The following BCKDHB variants were observed in gnomAD, a reference collection of about 807,000 sequenced individuals.
BCKDHB encodes the protein 2-oxoisovalerate dehydrogenase subunit beta, mitochondrial.
In BCKDHB, 41 loss-of-function variants were observed where a neutral mutation model predicts 48.5. The observed-to-expected ratio is 0.85, with a 90% CI of 0.66 to 1.10. The LOEUF is 1.10. BCKDHB is among the 50% of genes least tolerant of loss of function. BCKDHB has a pLI of 0.00. For synonymous variants in BCKDHB, 201 were observed against 174.8 expected (o/e 1.15, Z -1.18); for missense variants, 496 against 494.2 (o/e 1.00, Z -0.03).
intron 3 of BCKDHB, 128 bp downstream of exon 3, chr6:80,129,357 A>G (rs1412456300): frequency 1.7e-5 from 13 of 745,478 alleles, no homozygotes; most frequent in Non-Finnish European, 2.8e-5. Context: ...TTCATTTCCA[A>G]CGCCACCCGC....
rs567854776 is a variant in BCKDHB at position 80,194,523 on chromosome 6, A to G, written c.743-6411A>G. Among the ~76,000 whole-genome samples, 33 of 152,252 alleles carry G rather than the reference A, an allele frequency of 2.2e-4. No individual in the cohort carries two copies. In the South Asian group the frequency reaches 6.4e-3, roughly 30 times the overall value. On this transcript the variant is annotated intron_variant, in intron 6 of 9. Coordinates refer to ENST00000320393, the MANE Select transcript of BCKDHB (RefSeq NM_183050.4). The stretch of plus-strand genomic sequence containing the variant: ...CTCCTTAGTTTCCTTTATTCTGGGG[A>G]AGACAGTTCCTTTGTCTTTTTTGTC...
chr6:80,279,549 G>A (rs1778113459), intron 9 of BCKDHB, among the ~76,000 whole-genome samples: 1 of 151,574 alleles, frequency 6.6e-6, no homozygotes, highest in Admixed American at 6.6e-5. Context: ...TTCGTCCATT[G>A]TCTGTTTGAA....
chr6:80,251,710 A>G (rs1366161423), intron 8 of BCKDHB: 1 of 152,184 alleles, frequency 6.6e-6, no homozygotes, highest in Non-Finnish European at 1.5e-5. Flanking sequence ...ATTTTCTTTT[A>G]GGTATTTCTG....
At chr6:80,197,970 CCA>C in intron 6 of BCKDHB, among the ~76,000 whole-genome samples, 1 of 152,178 alleles carries the variant, frequency 6.6e-6, no homozygotes, top group South Asian at 2.1e-4. Flanking sequence ...ATCCATCCAT[CCA>C]TCCATCCGTC....
At chr6:80,127,088 C>T (rs1770382454) in intron 1 of BCKDHB, among the ~76,000 whole-genome samples, 2 of 152,138 alleles carry the variant, frequency 1.3e-5, no homozygotes, top group African/African-American at 4.8e-5. Flanking sequence ...GTTCCGGGTA[C>T]CAAAGTTTAT....
the BCKDHB span, among the ~76,000 whole-genome samples, chr6:80,405,333 C>T: frequency 3.9e-5 from 6 of 152,116 alleles, no homozygotes; most frequent in African/African-American, 1.4e-4. Context: ...TCTATTTTGT[C>T]TTATATAAGT....
the BCKDHB span, among the ~76,000 whole-genome samples, chr6:80,397,137 G>A: frequency 2.0e-5 from 3 of 152,218 alleles, no homozygotes; most frequent in East Asian, 5.8e-4. Flanking sequence ...TTGTCAGATA[G>A]GGGTGGGTAT....
At chr6:80,360,237 C>T in the BCKDHB span, among the ~76,000 whole-genome samples, 1 of 151,450 alleles carries the variant, frequency 6.6e-6, no homozygotes, top group Non-Finnish European at 1.5e-5. Context: ...AGTGTAGATT[C>T]TTGTAACTGT....
intron 6 of BCKDHB, among the ~76,000 whole-genome samples, chr6:80,190,069 T>C (rs764146715): frequency 7.9e-5 from 12 of 152,136 alleles, no homozygotes; most frequent in Non-Finnish European, 1.3e-4. Context: ...AGGAGTGATA[T>C]ATAGTAATGC....
At chr6:80,118,812 A>G (rs1769846313) in intron 1 of BCKDHB, among the ~76,000 whole-genome samples, 1 of 152,092 alleles carries the variant, frequency 6.6e-6, no homozygotes, top group Non-Finnish European at 1.5e-5. Flanking sequence ...AATAGATTCC[A>G]TCTCAAGGCT....
intron 9 of BCKDHB, among the ~76,000 whole-genome samples, chr6:80,273,483 G>C (rs1777840152): frequency 6.6e-6 from 1 of 152,044 alleles, no homozygotes; most frequent in African/African-American, 2.4e-5. Flanking sequence ...TGGGAAGAAA[G>C]TTTGGAATGA....
At chr6:80,109,541 A>G (rs1769307658) in intron 1 of BCKDHB, among the ~76,000 whole-genome samples, 1 of 152,174 alleles carries the variant, frequency 6.6e-6, no homozygotes, top group Non-Finnish European at 1.5e-5. Flanking sequence ...TGAGTATTGG[A>G]TATTAATGCT....
At chr6:80,149,451 C>A (rs1268587114) in intron 3 of BCKDHB, among the ~76,000 whole-genome samples, 1 of 152,150 alleles carries the variant, frequency 6.6e-6, no homozygotes, top group Admixed American at 6.5e-5. Flanking sequence ...CCATTTGACC[C>A]AGCCATCCCA....
intron 9 of BCKDHB, among the ~76,000 whole-genome samples, chr6:80,326,203 T>G (rs1173985474): frequency 6.6e-6 from 1 of 152,172 alleles, no homozygotes; most frequent in African/African-American, 2.4e-5. Flanking sequence ...AAATAAAACG[T>G]TATTTTTAAA....
chr6:80,159,254 A>G (rs1353755503), intron 3 of BCKDHB, among the ~76,000 whole-genome samples: 1 of 151,858 alleles, frequency 6.6e-6, no homozygotes, highest in Non-Finnish European at 1.5e-5. Flanking sequence ...ACAAACCTGC[A>G]CATTGTGCAC....
At chr6:80,195,167 T>G (rs1425498979) in intron 6 of BCKDHB, among the ~76,000 whole-genome samples, 1 of 151,088 alleles carries the variant, frequency 6.6e-6, no homozygotes, top group African/African-American at 2.4e-5. Flanking sequence ...CTACAGATTT[T>G]TTTTTTGATT....
rs1342678599 is a variant in BCKDHB, at chr6:80,343,517, C to CT, written c.1039-141dup. ...GATCATGCGAACATGCTGTTACCTG[C>CT]TTTTTTCATATTACAGTATACTTAA... On this transcript the variant is annotated intron_variant, in intron 9 of 9. Coordinates refer to ENST00000320393, the MANE Select transcript of BCKDHB (RefSeq NM_183050.4). The CT allele has an allele frequency of 5.6e-6, 5 of 889,512 alleles. No individual in the cohort carries two copies. The African/African-American group carries it at 8.5e-5, about 15-fold the overall frequency. The allele number at this position is 889,512 out of a possible 1,614,324, so 55.1% of individuals were successfully genotyped here.
At chr6:80,402,086 A>G in the BCKDHB span, among the ~76,000 whole-genome samples, 1 of 151,882 alleles carries the variant, frequency 6.6e-6, no homozygotes, top group East Asian at 1.9e-4. Context: ...GGGGGAGCAG[A>G]TTTCTCTTCA....
intron 9 of BCKDHB, among the ~76,000 whole-genome samples, chr6:80,303,110 A>T (rs1767669062): frequency 6.6e-6 from 1 of 152,160 alleles, no homozygotes; most frequent in Non-Finnish European, 1.5e-5. Flanking sequence ...ACCTGAACTC[A>T]AAGGGTAATT....
Sources: allele counts gnomAD v4.1 joint callset (sites outside exome capture counted in the v4.1 genomes callset), GRCh38; gene constraint gnomAD v4.1.1; transcripts MANE v1.5; gene names NCBI Gene and HGNC (gene_info 2026-07-23, HGNC 2026-07-21).